CES5A: variants seen among roughly 807,000 people sequenced by gnomAD.
CES5A encodes carboxylesterase 5.
Under a neutral mutation model 62.9 loss-of-function variants are expected in CES5A, and 67 were observed. The observed-to-expected ratio is 1.07, with a 90% CI of 0.88 to 1.31. CES5A has a LOEUF of 1.31. Ranked by LOEUF, CES5A falls within the 50% of genes most tolerant of loss-of-function variation. The probability of loss-of-function intolerance (pLI) is 0.00; values close to 1 mark genes in which losing one functional copy is unlikely to be tolerated. For missense variants in CES5A, 748 were observed against 708.5 expected, an observed-to-expected ratio of 1.06 and a Z score of -0.63; for synonymous variants, 296 against 280.8, an observed-to-expected ratio of 1.05 and a Z score of -0.54.
upstream of CES5A, among the ~76,000 whole-genome samples, chr16:55,877,420 G>A (rs534768984): frequency 1.4e-4 from 21 of 148,252 alleles, no homozygotes; most frequent in Admixed American, 2.0e-4. Flanking sequence ...GTGTGTGTGT[G>A]TATATATATA....
Position 55,940,480 on chromosome 16 carries a change from A to G in CES5A, c.160+9305T>C, listed in dbSNP as rs2034434381. On this transcript the variant is annotated intron_variant, in intron 2 of 13. Coordinates refer to the CES5A transcript ENST00000521992. Reference sequence around the variant, plus strand: ...CCACAAAAAACAAAACTCATCCAAGATGAAATGAATAACCTAAATAGTCCT... The same window carrying G: ...CCACAAAAAACAAAACTCATCCAAGGTGAAATGAATAACCTAAATAGTCCT... 1.3e-5 allele frequency among the ~76,000 whole-genome samples: 2 copies of G among 152,072 alleles called. 1 individual carries two copies. The highest frequency in any genetic ancestry group is 4.1e-4 in the South Asian group (2 of 4,830).
chr16:55,882,604 T>C (rs1353469056), intron 1 of CES5A, among the ~76,000 whole-genome samples: 3 of 152,222 alleles, frequency 2.0e-5, no homozygotes, highest in African/African-American at 4.8e-5. Context: ...CTGGTGGTCT[T>C]TCATGTGATC....
Position 55,873,930 on chromosome 16 carries a change from G to C in CES5A, c.181C>G (p.Pro61Ala), listed in dbSNP as rs779612374. 3 of 1,613,834 alleles carry C rather than the reference G, an allele frequency of 1.9e-6. No homozygotes were observed. In the South Asian group the frequency reaches 3.3e-5, roughly 18 times the overall value. Residue 61 changes from proline (P) to alanine (A), a missense_variant, in exon 2 of 13, where the codon CCC becomes GCC. Coordinates refer to ENST00000290567, the MANE Select transcript of CES5A (RefSeq NM_001143685.2). The stretch of plus-strand genomic sequence containing the variant: ...GATCCCAGCGGGGGAGCAGCAAAGG[G>C]GACTCCGAGGAACACGTTCACAGGC... ...PVPVNVFLGV[P>A]FAAPPLGSLR...
In CES5A at chr16:55,905,653, C is replaced by T. The variant is rs777592512; in HGVS notation, c.-256+19670G>A. On this transcript the variant is annotated intron_variant, in intron 1 of 12. Coordinates refer to the CES5A transcript ENST00000518005. ...AGGATTACAGGCATGAGCCACCGTG[C>T]CTGGCCCTAAATCTGATTTTTAACG... Among the ~76,000 whole-genome samples the T allele has an allele frequency of 2.4e-4, 36 of 152,184 alleles. 1 individual carries two copies. The highest frequency in any genetic ancestry group is 1.0e-3 in the South Asian group (5 of 4,812).
intron 9 of CES5A, among the ~76,000 whole-genome samples, chr16:55,855,957 T>C (rs1387941525): frequency 6.6e-6 from 1 of 152,144 alleles, no homozygotes; most frequent in Non-Finnish European, 1.5e-5. Context: ...TTTGGTGCTG[T>C]TCTCATGATA....
chr16:55,897,707 T>G (rs2033948265), intron 1 of CES5A, among the ~76,000 whole-genome samples: 1 of 152,232 alleles, frequency 6.6e-6, no homozygotes, highest in Non-Finnish European at 1.5e-5. Flanking sequence ...CCTTAAGAAA[T>G]ACTGACAGTG....
intron 8 of CES5A, among the ~76,000 whole-genome samples, 179 bp from the exon 9 acceptor site, chr16:55,856,624 T>G (rs571515506): frequency 4.7e-4 from 72 of 152,334 alleles, no homozygotes; most frequent in Non-Finnish European, 8.8e-5. Context: ...TCTTCTCACT[T>G]TTGATAAAAG....
At chr16:55,902,034 C>T (rs2033995186) in intron 1 of CES5A, among the ~76,000 whole-genome samples, 1 of 152,126 alleles carries the variant, frequency 6.6e-6, no homozygotes, top group Non-Finnish European at 1.5e-5. Flanking sequence ...AAACTAAATC[C>T]TTCCTCTTTG....
chr16:55,871,855 C>T (rs762845235), intron 2 of CES5A, 92 bp from the exon 3 acceptor site: 41 of 1,377,330 alleles, frequency 3.0e-5, no homozygotes, highest in African/African-American at 1.3e-4. Flanking sequence ...GAGGCCTGGC[C>T]GTCTCCTCTG....
Position 55,883,619 on chromosome 16 carries a change from A to G in CES5A, c.-255-9582T>C, listed in dbSNP as rs543487768. 4.6e-5 allele frequency among the ~76,000 whole-genome samples: 7 copies of G among 152,288 alleles called. No individual in the cohort carries two copies. The South Asian group carries it at 1.2e-3, about 27-fold the overall frequency. On this transcript the variant is annotated intron_variant, in intron 1 of 12. Transcript: ENST00000518005. Reference sequence around the variant, plus strand: ...TTTAACAGTGGTGCTAATCTCTGCTATATCCCTCTCTGAGGATACAATATT... The same window carrying G: ...TTTAACAGTGGTGCTAATCTCTGCTGTATCCCTCTCTGAGGATACAATATT...
intron 1 of CES5A, among the ~76,000 whole-genome samples, chr16:55,885,189 C>T (rs1299031784): frequency 1.3e-5 from 2 of 150,848 alleles, no homozygotes; most frequent in African/African-American, 2.5e-5. Context: ...GCACCTCCTA[C>T]AGCATTCCCC....
Position 55,861,530 on chromosome 16 carries a change from A to G in CES5A, c.811-14T>C. ...AACCACCTGCAGCTATTTTGTAGAGAAGGACCGGGTTAGAGCATGATATTG... is the reference window on the plus strand; with the variant it reads ...AACCACCTGCAGCTATTTTGTAGAGGAGGACCGGGTTAGAGCATGATATTG... On this transcript the variant is annotated splice_polypyrimidine_tract_variant and intron_variant, in intron 6 of 12. Coordinates refer to ENST00000290567, the MANE Select transcript of CES5A (RefSeq NM_001143685.2). 2 of 1,573,556 alleles carry G rather than the reference A, an allele frequency of 1.3e-6. No homozygotes were observed. The highest frequency in any genetic ancestry group is 1.7e-6 in the Non-Finnish European group (2 of 1,143,082).
chr16:55,869,310 A>C (rs1450274987), intron 4 of CES5A, among the ~76,000 whole-genome samples: 5 of 152,168 alleles, frequency 3.3e-5, no homozygotes, highest in Non-Finnish European at 5.9e-5. Flanking sequence ...GCCCTAAAGA[A>C]TCCACATCAG....
At chr16:55,915,971 T>C (rs887179038) in intron 1 of CES5A, among the ~76,000 whole-genome samples, 2 of 152,156 alleles carry the variant, frequency 1.3e-5, no homozygotes, top group African/African-American at 4.8e-5. Flanking sequence ...ACAGTGGCAT[T>C]GCAATAAAGA....
intron 6 of CES5A, among the ~76,000 whole-genome samples, chr16:55,862,589 G>A (rs1427588981): frequency 6.6e-6 from 1 of 152,192 alleles, no homozygotes; most frequent in Non-Finnish European, 1.5e-5. Flanking sequence ...ATATTTCTGT[G>A]TATTGAGGGA....
intron 1 of CES5A, among the ~76,000 whole-genome samples, chr16:55,898,307 T>C (rs1267496140): frequency 3.3e-5 from 5 of 152,128 alleles, no homozygotes; most frequent in African/African-American, 1.2e-4. Context: ...CCATGAGGTG[T>C]CTAGGGTGGG....
At chr16:55,946,180 G>A (rs577504677) in intron 2 of CES5A, among the ~76,000 whole-genome samples, 38 of 152,342 alleles carry the variant, frequency 2.5e-4, no homozygotes, top group Non-Finnish European at 5.3e-4. Flanking sequence ...AAACCAGGAT[G>A]TTTTGACAAG....
intron 1 of CES5A, among the ~76,000 whole-genome samples, chr16:55,924,185 A>C (rs996126723): frequency 5.3e-5 from 8 of 151,728 alleles, no homozygotes; most frequent in Non-Finnish European, 8.9e-5. Context: ...TACACACACA[A>C]AAAAAACTGT....
intron 5 of CES5A, among the ~76,000 whole-genome samples, chr16:55,864,525 C>A (rs1309103375): frequency 1.3e-5 from 2 of 152,058 alleles, no homozygotes; most frequent in African/African-American, 4.8e-5. Context: ...ATCATGAGAA[C>A]AAATGAACTG....
Sources: gnomAD v4.1 joint callset for allele counts (sites outside exome capture counted in the v4.1 genomes callset) on GRCh38, gnomAD v4.1.1 for gene constraint, MANE v1.5 for transcripts, NCBI Gene and HGNC (gene_info 2026-07-23, HGNC 2026-07-21) for gene names.